The following ORC2 variants were observed in gnomAD, a reference collection of about 807,000 sequenced individuals.
ORC2 encodes the protein origin recognition complex subunit 2.
ORC2 carries 37 observed loss-of-function variants against 77.7 expected under a neutral mutation model. The ratio of observed to expected loss-of-function variants is 0.48; its 90% CI spans 0.37 to 0.63. The LOEUF (loss-of-function observed/expected upper bound fraction) is 0.63, where lower values mean the gene tolerates loss of function less well. Ranked by LOEUF, ORC2 falls within the 20% of genes least tolerant of loss-of-function variation. The probability of loss-of-function intolerance (pLI) is 0.00; values close to 1 mark genes in which losing one functional copy is unlikely to be tolerated. For synonymous variants in ORC2, 201 were observed against 229.5 expected (o/e 0.88, Z 1.12); for missense variants, 557 against 661.9 (o/e 0.84, Z 1.74).
rs576866814 is a variant in ORC2 at position 200,914,470 on chromosome 2, T to G, written c.1467-478A>C. On this transcript the variant is annotated intron_variant, in intron 15 of 17. Coordinates refer to ENST00000234296, the MANE Select transcript of ORC2 (RefSeq NM_006190.5). ...CGTGAGCCACTGTACCCGGCCCGCT[T>G]TTTTATTTCTTCTAAAGAAAAATAT... 1.6e-4 allele frequency among the ~76,000 whole-genome samples: 24 copies of G among 152,266 alleles called. No individual in the cohort carries two copies. In the South Asian group the frequency reaches 4.1e-3, roughly 26 times the overall value.
chr2:200,948,088 T>C (rs2041283944), intron 5 of ORC2, among the ~76,000 whole-genome samples: 2 of 151,822 alleles, frequency 1.3e-5, no homozygotes, highest in Admixed American at 6.6e-5. Flanking sequence ...TTTTTTTTTG[T>C]ATTTTTAGTA....
At chr2:200,932,425 C>T (rs1346332678) in intron 10 of ORC2, among the ~76,000 whole-genome samples, 1 of 151,052 alleles carries the variant, frequency 6.6e-6, no homozygotes, top group Non-Finnish European at 1.5e-5. Flanking sequence ...CTGCAAACTC[C>T]ACCTCCCAGG....
intron 5 of ORC2, among the ~76,000 whole-genome samples, chr2:200,943,628 A>G (rs1269226209): frequency 6.6e-6 from 1 of 152,138 alleles, no homozygotes; most frequent in Non-Finnish European, 1.5e-5. Flanking sequence ...GAGAAGGTGT[A>G]GTTAAATTTG....
chr2:200,921,608 G>A (rs1374660169), intron 13 of ORC2: 2 of 152,148 alleles, frequency 1.3e-5, no homozygotes, highest in African/African-American at 2.4e-5. Context: ...GATTAGCACT[G>A]AAGTCAGGCC....
intron 12 of ORC2, among the ~76,000 whole-genome samples, chr2:200,926,351 T>G (rs2040838602): frequency 6.6e-6 from 1 of 152,202 alleles, no homozygotes; most frequent in African/African-American, 2.4e-5. Flanking sequence ...TATTAAGCAT[T>G]TGAAATAAAA....
chr2:200,938,169 T>C (rs907436097), intron 7 of ORC2, among the ~76,000 whole-genome samples: 2 of 152,140 alleles, frequency 1.3e-5, no homozygotes, highest in South Asian at 2.1e-4. Context: ...GCTGTGATTA[T>C]AGGCACGTGC....
At chr2:200,932,550 G>A (rs1389254774) in intron 10 of ORC2, among the ~76,000 whole-genome samples, 1 of 151,976 alleles carries the variant, frequency 6.6e-6, no homozygotes, top group Non-Finnish European at 1.5e-5. Context: ...ATGTTGGGCA[G>A]GCCGCTCTCA....
At chr2:200,912,938 A>C (rs183808074) in intron 17 of ORC2, among the ~76,000 whole-genome samples, 29 of 152,378 alleles carry the variant, frequency 1.9e-4, no homozygotes, top group African/African-American at 6.7e-4. Context: ...ATTTTTGCTT[A>C]CTACTGTATC....
At chr2:200,930,384 G>C (rs2040918469) in intron 11 of ORC2, among the ~76,000 whole-genome samples, 1 of 152,160 alleles carries the variant, frequency 6.6e-6, no homozygotes, top group South Asian at 2.1e-4. Context: ...AGAAAAAAAT[G>C]ATGGGCTGGG....
intron 5 of ORC2, among the ~76,000 whole-genome samples, chr2:200,948,919 T>C (rs959348506): frequency 5.3e-5 from 8 of 152,062 alleles, no homozygotes; most frequent in African/African-American, 1.9e-4. Context: ...TGATTCTCAC[T>C]TGTTACTTCA....
At chr2:200,930,137 T>A (rs1249650103) in intron 11 of ORC2, among the ~76,000 whole-genome samples, 6 of 151,340 alleles carry the variant, frequency 4.0e-5, no homozygotes, top group Non-Finnish European at 7.4e-5. Flanking sequence ...ACTCCGTGAT[T>A]GTTTACAAAG....
chr2:200,937,822 G>T, intron 8 of ORC2, 84 bp downstream of exon 8: 1 of 879,264 alleles, frequency 1.1e-6, no homozygotes, highest in Non-Finnish European at 1.9e-6. Context: ...AGCAGTCTAA[G>T]TCTAGAACCT....
At chr2:200,940,024 T>C (rs1418539571) in intron 7 of ORC2, among the ~76,000 whole-genome samples, 1 of 152,184 alleles carries the variant, frequency 6.6e-6, no homozygotes, top group African/African-American at 2.4e-5. Flanking sequence ...GCCTTAAATG[T>C]CTATACTGAC....
Position 200,933,848 on chromosome 2 carries a change from T to A in ORC2, c.807+28A>T, listed in dbSNP as rs1292626685. ...ATTTTTCAGGACAGAGTAAAAAAAA[T>A]TTAGAAGTAACATTCCTTGTAACAT... On this transcript the variant is annotated intron_variant, in intron 10 of 17. Transcript: ENST00000234296. The A allele has an allele frequency of 8.8e-6, 12 of 1,365,182 alleles. No homozygotes were observed. The East Asian group carries it at 9.3e-5, about 11-fold the overall frequency. 84.6% of individuals were successfully genotyped at this position (1,365,182 alleles called of 1,614,324 possible).
In ORC2 at chr2:200,920,309, TAGG is replaced by T; in HGVS notation, c.1376_1378del (p.Ser459del). On this transcript the variant is annotated inframe_deletion, in exon 15 of 18. Transcript: ENST00000234296. Reference sequence around the variant, plus strand: ...CTGCTTTACCAGAAGAGAGTTCTCATAGGAGGTTTCTTCAGTATAAGGACTGTA... The same window carrying T: ...CTGCTTTACCAGAAGAGAGTTCTCATAGGTTTCTTCAGTATAAGGACTGTA... The T allele has an allele frequency of 6.2e-7, 1 of 1,613,904 alleles. No individual in the cohort carries two copies. Among genetic ancestry groups the T allele is most frequent in the Non-Finnish European group, 8.5e-7 (1 of 1,179,826 alleles).
intron 4 of ORC2, among the ~76,000 whole-genome samples, chr2:200,953,576 C>G (rs187120526): frequency 6.6e-6 from 1 of 152,200 alleles, no homozygotes; most frequent in East Asian, 1.9e-4. Context: ...TCCAGCATTT[C>G]CACTTATGGG....
At chr2:200,932,733 G>A (rs575056888) in intron 10 of ORC2, among the ~76,000 whole-genome samples, 1 of 152,268 alleles carries the variant, frequency 6.6e-6, no homozygotes, top group South Asian at 2.1e-4. Flanking sequence ...ATCTAGTTTT[G>A]AGCCTGGGCT....
intron 17 of ORC2, among the ~76,000 whole-genome samples, chr2:200,912,698 G>A (rs1488825695): frequency 6.6e-6 from 1 of 152,140 alleles, no homozygotes; most frequent in Non-Finnish European, 1.5e-5. Context: ...GGGATCACAG[G>A]CGTGAGCCAC....
intron 6 of ORC2, 40 bp downstream of exon 6, chr2:200,942,645 C>T (rs2041174893): frequency 9.3e-7 from 1 of 1,077,730 alleles, no homozygotes; most frequent in Non-Finnish European, 1.4e-6. Flanking sequence ...CTTGAAGCAA[C>T]TATGAAAATT....
Sources: allele counts gnomAD v4.1 joint callset (sites outside exome capture counted in the v4.1 genomes callset), GRCh38; gene constraint gnomAD v4.1.1; transcripts MANE v1.5; gene names NCBI Gene and HGNC (gene_info 2026-07-23, HGNC 2026-07-21).